Variants in ZNF385D observed in about 807,000 individuals in gnomAD.
The protein encoded by ZNF385D is zinc finger protein 385D.
In ZNF385D, 15 loss-of-function variants were observed where a neutral mutation model predicts 35.8. The observed-to-expected ratio is 0.42, with a 90% CI of 0.28 to 0.64. The LOEUF is 0.64. Ranked by LOEUF, ZNF385D falls within the 30% of genes least tolerant of loss-of-function variation. The pLI, the probability that ZNF385D is intolerant of heterozygous loss-of-function variation, is 0.23. For synonymous variants in ZNF385D, 212 were observed against 186.8 expected (o/e 1.13, Z -1.10); for missense variants, 474 against 494.6 (o/e 0.96, Z 0.39).
intron 2 of ZNF385D, among the ~76,000 whole-genome samples, chr3:22,270,097 C>T (rs1443797615): frequency 1.3e-5 from 2 of 151,928 alleles, no homozygotes; most frequent in Non-Finnish European, 2.9e-5. Context: ...ATGAGCCCTA[C>T]TTTAGGGACC....
chr3:22,294,480 G>A (rs1702465626), intron 2 of ZNF385D, among the ~76,000 whole-genome samples: 1 of 151,838 alleles, frequency 6.6e-6, no homozygotes, highest in South Asian at 2.1e-4. Context: ...ATATATAATG[G>A]GTATTATATA....
chr3:21,695,425 C>T (rs893902693), intron 1 of ZNF385D, among the ~76,000 whole-genome samples: 3 of 152,118 alleles, frequency 2.0e-5, no homozygotes, highest in Non-Finnish European at 4.4e-5. Flanking sequence ...CAAGATGCTA[C>T]CTGGTGCAGC....
At chr3:22,174,342 T>A (rs1050472802) in intron 2 of ZNF385D, among the ~76,000 whole-genome samples, 3 of 152,094 alleles carry the variant, frequency 2.0e-5, no homozygotes, top group Non-Finnish European at 4.4e-5. Flanking sequence ...CTCTAAAATC[T>A]CCAAGAATCT....
intron 2 of ZNF385D, among the ~76,000 whole-genome samples, chr3:22,201,618 T>A (rs1300969186): frequency 6.6e-6 from 1 of 152,020 alleles, no homozygotes; most frequent in Non-Finnish European, 1.5e-5. Flanking sequence ...ACCAAAACAT[T>A]GCCTTGAGAT....
At chr3:21,426,422 G>A (rs1701029522) in intron 5 of ZNF385D, among the ~76,000 whole-genome samples, 2 of 152,086 alleles carry the variant, frequency 1.3e-5, no homozygotes, top group Admixed American at 1.3e-4. Flanking sequence ...AACTCTGATT[G>A]TCAACCGTTA....
At chr3:22,178,156 CCA>C (rs1001133371) in intron 2 of ZNF385D, among the ~76,000 whole-genome samples, 3 of 152,198 alleles carry the variant, frequency 2.0e-5, no homozygotes, top group African/African-American at 7.2e-5. Flanking sequence ...TGAGGAATCG[CCA>C]CACCGACTTC....
At chr3:22,068,072 T>C (rs577774129) in intron 3 of ZNF385D, among the ~76,000 whole-genome samples, 2 of 152,332 alleles carry the variant, frequency 1.3e-5, no homozygotes, top group East Asian at 3.9e-4. Context: ...CTGTGGCTTT[T>C]GAAATTGAAA....
chr3:21,908,604 G>A (rs1310359349), intron 3 of ZNF385D, among the ~76,000 whole-genome samples: 2 of 152,024 alleles, frequency 1.3e-5, no homozygotes, highest in African/African-American at 2.4e-5. Flanking sequence ...CAGTTAGGAA[G>A]GTTTTCACTA....
At chr3:21,872,014 C>A (rs1354255646) in intron 3 of ZNF385D, among the ~76,000 whole-genome samples, 4 of 151,794 alleles carry the variant, frequency 2.6e-5, no homozygotes, top group Non-Finnish European at 5.9e-5. Context: ...AAAAAATACC[C>A]CATCATTTTA....
chr3:22,042,647 T>C (rs259456), intron 3 of ZNF385D, among the ~76,000 whole-genome samples: 39,677 of 152,002 alleles, frequency 0.26, 5,744 homozygotes, highest in Middle Eastern at 0.36. Flanking sequence ...AAAACACCCA[T>C]TGCTTCTCTT....
intron 3 of ZNF385D, among the ~76,000 whole-genome samples, chr3:21,923,577 A>G (rs955628269): frequency 3.3e-5 from 5 of 152,182 alleles, no homozygotes; most frequent in Non-Finnish European, 7.4e-5. Context: ...TCATGGCACT[A>G]TTTACAATAC....
intron 1 of ZNF385D, among the ~76,000 whole-genome samples, chr3:21,709,533 CTCCT>C (rs2068025705): frequency 6.6e-6 from 1 of 151,864 alleles, no homozygotes; most frequent in Non-Finnish European, 1.5e-5. Flanking sequence ...TTTCTTTAGC[CTCCT>C]TGTCTACTCT....
chr3:21,980,577 T>C (rs1271601607), intron 3 of ZNF385D, among the ~76,000 whole-genome samples: 1 of 152,124 alleles, frequency 6.6e-6, no homozygotes, highest in African/African-American at 2.4e-5. Flanking sequence ...CTTTTAAACT[T>C]TTATTTTAGA....
intron 3 of ZNF385D, among the ~76,000 whole-genome samples, chr3:21,937,381 T>A (rs866304970): frequency 2.6e-5 from 4 of 152,174 alleles, no homozygotes; most frequent in Admixed American, 2.6e-4. Flanking sequence ...TTACAGTTAT[T>A]TGCCCCATTG....
At chr3:21,834,772 G>GATCTTGC (rs1200608488) in intron 3 of ZNF385D, among the ~76,000 whole-genome samples, 1 of 151,736 alleles carries the variant, frequency 6.6e-6, no homozygotes, top group Non-Finnish European at 1.5e-5. Context: ...GAGATGAATG[G>GATCTTGC]ATCTTGGGGC....
chr3:22,197,453 T>C (rs1430408670), intron 2 of ZNF385D, among the ~76,000 whole-genome samples: 2 of 152,204 alleles, frequency 1.3e-5, no homozygotes, highest in African/African-American at 2.4e-5. Flanking sequence ...CTTTGACCAA[T>C]TGGCAGTTCG....
At chr3:21,663,038 G>A (rs929226576) in intron 2 of ZNF385D, among the ~76,000 whole-genome samples, 4 of 152,038 alleles carry the variant, frequency 2.6e-5, no homozygotes, top group Admixed American at 6.6e-5. Flanking sequence ...AGGTCTTATC[G>A]ATGGTAACAG....
chr3:22,320,876 A>T lies in ZNF385D; in HGVS notation c.106+51574T>A, dbSNP rs145430666. On this transcript the variant is annotated intron_variant, in intron 2 of 5. Transcript: ENST00000494108. ...TTAACTTATATTTTTATGACAGCAT[A>T]TTTAAATTTTGTACATTTTAAATAT... 4.3e-3 allele frequency among the ~76,000 whole-genome samples: 652 copies of T among 152,102 alleles called. 1 individual carries two copies. Among genetic ancestry groups the T allele is most frequent in the Non-Finnish European group, 6.9e-3 (470 of 67,930 alleles).
At chr3:21,524,918 G>T (rs987634197) in intron 3 of ZNF385D, among the ~76,000 whole-genome samples, 17 of 152,102 alleles carry the variant, frequency 1.1e-4, no homozygotes, top group African/African-American at 3.9e-4. Context: ...TTTCACCCTG[G>T]CATCTAGAGA....
Sources: allele counts gnomAD v4.1 joint callset (sites outside exome capture counted in the v4.1 genomes callset), GRCh38; gene constraint gnomAD v4.1.1; transcripts MANE v1.5; gene names NCBI Gene and HGNC (gene_info 2026-07-23, HGNC 2026-07-21).